GLI2: variants seen among roughly 807,000 people sequenced by gnomAD.
GLI2 encodes the protein transcription activator GLI2.
A neutral mutation model predicts 78.9 loss-of-function variants in GLI2; 22 were observed. The observed-to-expected ratio is 0.28, with a 90% CI of 0.20 to 0.40. GLI2 has a LOEUF of 0.40. Ranked by LOEUF, GLI2 falls within the 10% of genes least tolerant of loss-of-function variation. GLI2 has a pLI of 1.00. For missense variants in GLI2, 2,097 were observed against 2,213.2 expected, an observed-to-expected ratio of 0.95 and a Z score of 1.05; for synonymous variants, 974 against 963.7, an observed-to-expected ratio of 1.01 and a Z score of -0.20.
At chr2:120,894,724 G>A (rs570667945) in intron 2 of GLI2, among the ~76,000 whole-genome samples, 33 of 124,412 alleles carry the variant, frequency 2.7e-4, no homozygotes, top group African/African-American at 1.1e-3. Flanking sequence ...TTGAGACAGA[G>A]TTTTGCCCTT....
rs186330038 is a variant in GLI2, at chr2:120,791,453, C to G, written c.-30-5838C>G. On this transcript the variant is annotated intron_variant, in intron 1 of 13. Transcript: ENST00000361492. The stretch of plus-strand genomic sequence containing the variant: ...AGACAGAGTCCTCAGGGCCTCAGGC[C>G]GTGAGTCGGCTGCTTCCCTTTTAGC... Among the ~76,000 whole-genome samples, 625 of 152,290 alleles carry G rather than the reference C, an allele frequency of 4.1e-3. 5 individuals are homozygous for G. The highest frequency in any genetic ancestry group is 6.3e-3 in the Non-Finnish European group (426 of 68,012).
chr2:120,891,426 G>A (rs1294568460), intron 2 of GLI2, among the ~76,000 whole-genome samples: 1 of 152,172 alleles, frequency 6.6e-6, no homozygotes, highest in Admixed American at 6.5e-5. Context: ...AGGCAAAAAG[G>A]GACCCTACCT....
At chr2:120,830,951 G>A (rs997700426) in intron 2 of GLI2, among the ~76,000 whole-genome samples, 6 of 148,708 alleles carry the variant, frequency 4.0e-5, no homozygotes, top group Non-Finnish European at 1.5e-5. Flanking sequence ...CTGTGTCCTG[G>A]TTTCACTCTG....
intron 1 of GLI2, among the ~76,000 whole-genome samples, chr2:120,776,102 G>A (rs888794824): frequency 2.6e-5 from 4 of 152,252 alleles, no homozygotes; most frequent in Non-Finnish European, 2.9e-5. Flanking sequence ...TCCTGAGCCC[G>A]GACCACCCCC....
At chr2:120,845,352 A>G (rs1687065629) in intron 2 of GLI2, among the ~76,000 whole-genome samples, 1 of 152,170 alleles carries the variant, frequency 6.6e-6, no homozygotes, top group East Asian at 1.9e-4. Context: ...AGACGATGAC[A>G]TGTCTTGTGG....
intron 2 of GLI2, among the ~76,000 whole-genome samples, chr2:120,921,194 T>C (rs923537327): frequency 6.6e-6 from 1 of 152,112 alleles, no homozygotes; most frequent in Non-Finnish European, 1.5e-5. Context: ...GGTCAACCTT[T>C]ATCCCTCAGG....
At chr2:120,833,120 C>T (rs1471609707) in intron 2 of GLI2, among the ~76,000 whole-genome samples, 1 of 152,004 alleles carries the variant, frequency 6.6e-6, no homozygotes, top group Non-Finnish European at 1.5e-5. Context: ...TTATTCTCCT[C>T]GCCTTTGCCT....
intron 2 of GLI2, among the ~76,000 whole-genome samples, chr2:120,835,478 T>TGGGTTCCGGAGATTCTCCC (rs1160634384): frequency 6.6e-6 from 1 of 150,824 alleles, no homozygotes; most frequent in Non-Finnish European, 1.5e-5. Context: ...CCCCGTCTCC[T>TGGGTTCCGGAGATTCTCCC]GGGTTCCGGA....
intron 2 of GLI2, among the ~76,000 whole-genome samples, chr2:120,843,497 G>T (rs114547232): frequency 7.9e-4 from 121 of 152,336 alleles, no homozygotes; most frequent in African/African-American, 2.8e-3. Context: ...GGTAACTGAG[G>T]TGCCGTTTAA....
intron 2 of GLI2, among the ~76,000 whole-genome samples, chr2:120,814,623 C>T (rs111800578): frequency 3.1e-4 from 47 of 152,256 alleles, no homozygotes; most frequent in Middle Eastern, 3.4e-3. Flanking sequence ...CCACCTGAGC[C>T]GCACCTTCTG....
chr2:120,829,292 A>T (rs982086150), intron 2 of GLI2, among the ~76,000 whole-genome samples: 1 of 152,156 alleles, frequency 6.6e-6, no homozygotes, highest in Non-Finnish European at 1.5e-5. Flanking sequence ...ACTTCCATAA[A>T]CGATCTCTTT....
chr2:120,880,096 CT>C (rs1272680560), intron 2 of GLI2, among the ~76,000 whole-genome samples: 1 of 152,176 alleles, frequency 6.6e-6, no homozygotes, highest in Non-Finnish European at 1.5e-5. Context: ...CTGTGTCTGA[CT>C]TCCCAACCTT....
rs959540554 is a variant in GLI2 at position 120,770,644 on chromosome 2, G to A, written c.-30-26647G>A. Among the ~76,000 whole-genome samples the A allele has an allele frequency of 8.6e-4, 131 of 152,294 alleles. 1 individual carries two copies. Among genetic ancestry groups the A allele is most frequent in the African/African-American group, 2.8e-3 (116 of 41,556 alleles). ...GCAGTTTCTGGCTTGCCTCTCTCGT[G>A]CTCTGAGGTCTTGGGCAAGGCAGTG... On this transcript the variant is annotated intron_variant, in intron 1 of 13. Coordinates refer to ENST00000361492, the MANE Select transcript of GLI2 (RefSeq NM_001374353.1).
intron 2 of GLI2, among the ~76,000 whole-genome samples, chr2:120,904,813 A>G (rs1434804664): frequency 3.9e-5 from 6 of 152,276 alleles, no homozygotes; most frequent in African/African-American, 1.4e-4. Flanking sequence ...TTGGAAAATA[A>G]AGGAGGTGAG....
intron 12 of GLI2, 118 bp downstream of exon 12, chr2:120,984,861 C>A: frequency 2.9e-6 from 3 of 1,024,344 alleles, no homozygotes; most frequent in Non-Finnish European, 4.4e-6. Context: ...ACAGCGATAT[C>A]CCTCCTCTCT....
chr2:120,874,682 ATC>A (rs1169415748), intron 2 of GLI2, among the ~76,000 whole-genome samples: 1 of 152,226 alleles, frequency 6.6e-6, no homozygotes, highest in Non-Finnish European at 1.5e-5. Flanking sequence ...CTAATGAGGT[ATC>A]TCTCTGCTCA....
intron 2 of GLI2, among the ~76,000 whole-genome samples, chr2:120,847,954 G>A (rs747382545): frequency 2.1e-4 from 32 of 152,290 alleles, no homozygotes; most frequent in Non-Finnish European, 2.9e-4. Flanking sequence ...TCCCCACATG[G>A]TACTTCTTGT....
intron 2 of GLI2, among the ~76,000 whole-genome samples, chr2:120,834,164 G>A (rs1343488267): frequency 2.0e-5 from 3 of 152,200 alleles, no homozygotes; most frequent in Admixed American, 6.5e-5. Flanking sequence ...GTAGAGCAGG[G>A]GAGAGTTGCC....
chr2:120,916,973 A>G (rs549317354), intron 2 of GLI2, among the ~76,000 whole-genome samples: 1 of 152,222 alleles, frequency 6.6e-6, no homozygotes, highest in East Asian at 1.9e-4. Context: ...TTTAGGTACA[A>G]CTTCCCTGGG....
Sources: gnomAD v4.1 joint callset for allele counts (sites outside exome capture counted in the v4.1 genomes callset) on GRCh38, gnomAD v4.1.1 for gene constraint, MANE v1.5 for transcripts, NCBI Gene and HGNC (gene_info 2026-07-23, HGNC 2026-07-21) for gene names.